The following TNNI3 variants were observed in gnomAD, a reference collection of about 807,000 sequenced individuals.
The protein encoded by TNNI3 is troponin I, cardiac muscle.
TNNI3 carries 23 observed loss-of-function variants against 31.5 expected under a neutral mutation model. The ratio of observed to expected loss-of-function variants is 0.73; its 90% CI spans 0.52 to 1.03. TNNI3 has a LOEUF of 1.03. Ranked by LOEUF, TNNI3 falls within the 50% of genes least tolerant of loss-of-function variation. The pLI is 0.00. For missense variants in TNNI3, 236 were observed against 282.9 expected (o/e 0.83, Z 1.19); for synonymous variants, 120 against 111.7 (o/e 1.07, Z -0.47).
At position 55,156,575 on chromosome 19, in the gene TNNI3, G is replaced by T; in HGVS notation, c.150+28C>A. ...AGCTCCGCCCCCTGAGCACCTGCCT[G>T]CTCTTTCCCAGTCCCGCCCGTCCTC... is the stretch of plus-strand genomic sequence containing the variant. On this transcript the variant is annotated intron_variant, in intron 4 of 7. Transcript: ENST00000344887. The surrounding 1 kb of genome is among the most constrained non-coding windows in gnomAD (Gnocchi z 4.6). The T allele has an allele frequency of 2.6e-6, 4 of 1,555,872 alleles. No homozygotes were observed. Among genetic ancestry groups the T allele is most frequent in the Non-Finnish European group, 3.5e-6 (4 of 1,149,040 alleles).
At chr19:55,154,362 T>C (rs962647206) in intron 6 of TNNI3, 156 bp from the exon 7 acceptor site, 40 of 788,196 alleles carry the variant, frequency 5.1e-5, no homozygotes, top group Middle Eastern at 3.5e-4. Flanking sequence ...AGGCTTCTAA[T>C]CCTGGAACTG....
rs374883486 is a variant in TNNI3, at chr19:55,157,166, C to T, written c.25-33G>A. ...AGGAGGAGTGGGGACCCCATCACCA[C>T]CAAGACCCCACCCAGCCCTTACCGT... On this transcript the variant is annotated intron_variant, in intron 2 of 7. Coordinates refer to ENST00000344887, the MANE Select transcript of TNNI3 (RefSeq NM_000363.5). This position sits in a 1 kb window ranked among gnomAD's most constrained non-coding sequence, Gnocchi z 6.3. 1 of 1,590,380 alleles carries T rather than the reference C, an allele frequency of 6.3e-7. No individual in the cohort carries two copies. The highest frequency in any genetic ancestry group is 2.3e-5 in the East Asian group (1 of 44,052).
chr19:55,156,308 G>C lies in TNNI3; in HGVS notation c.175C>G (p.Gln59Glu), dbSNP rs2085729446. 3 of 1,610,194 alleles carry C rather than the reference G, an allele frequency of 1.9e-6. No homozygotes were observed. Among genetic ancestry groups the C allele is most frequent in the Non-Finnish European group, 2.5e-6 (3 of 1,178,974 alleles). ...TCCTCCGCCTCTCGCTCCAGCTCTT[G>C]CTTTGCAATCTGCAGCAGCAGAGTC... ...LKTLLLQIAK[Q>E]ELEREAEERR... The change falls in exon 5 of 8, where the codon CAA (glutamine) becomes GAA (glutamate). Residue 59 changes from glutamine to glutamate, a missense_variant. Coordinates refer to ENST00000344887, the MANE Select transcript of TNNI3 (RefSeq NM_000363.5). This position sits in a 1 kb window ranked among gnomAD's most constrained non-coding sequence, Gnocchi z 4.6.
At position 55,156,391 on chromosome 19, in the gene TNNI3, G is replaced by C. The variant is rs755244940; in HGVS notation, c.151-59C>G. 5.7e-6 allele frequency: 9 copies of C among 1,572,166 alleles called. No homozygotes were observed. In the East Asian group the frequency reaches 2.0e-4, roughly 36 times the overall value. On this transcript the variant is annotated intron_variant, in intron 4 of 7. Transcript: ENST00000344887. This position sits in a 1 kb window ranked among gnomAD's most constrained non-coding sequence, Gnocchi z 4.6. ...CGGGGCTTCAGGATAAAGACCAGGCGTGGGGAACCGCCTCTGCCCTTCTAA... is the reference window on the plus strand; with the variant it reads ...CGGGGCTTCAGGATAAAGACCAGGCCTGGGGAACCGCCTCTGCCCTTCTAA...
At chr19:55,154,687 G>A (rs1789354585) in intron 6 of TNNI3, 54 bp downstream of exon 6, 7 of 1,521,688 alleles carry the variant, frequency 4.6e-6, no homozygotes, top group Non-Finnish European at 5.5e-6. Flanking sequence ...CAGAGACCAA[G>A]TCCCAGCCAT....
rs1170089051 is a variant in TNNI3 at position 55,157,468 on chromosome 19, A to G, written c.11+111T>C. 3 of 1,576,990 alleles carry G rather than the reference A, an allele frequency of 1.9e-6. No individual in the cohort carries two copies. The highest frequency in any genetic ancestry group is 3.4e-5 in the Admixed American group (2 of 58,950). ...GCAAACCCACTTCCTCTCTTCACCC[A>G]AGAGTCCCTACGCCTACCTCGCAGG... is the stretch of plus-strand genomic sequence containing the variant. On this transcript the variant is annotated intron_variant, in intron 1 of 7. Transcript: ENST00000344887. The surrounding 1 kb of genome is among the most constrained non-coding windows in gnomAD (Gnocchi z 6.3).
rs1162185492 is a variant in TNNI3, at chr19:55,156,720, C to T, written c.109-76G>A. The T allele has an allele frequency of 1.3e-6, 2 of 1,500,562 alleles. No individual in the cohort carries two copies. The highest frequency in any genetic ancestry group is 2.4e-5 in the South Asian group (2 of 83,080). The allele number at this position is 1,500,562 out of a possible 1,614,324, so 93.0% of individuals were successfully genotyped here. A position where few individuals can be genotyped will look rare whatever the true frequency, so the allele number is the denominator to read the frequency against. On this transcript the variant is annotated intron_variant, in intron 3 of 7. Coordinates refer to ENST00000344887, the MANE Select transcript of TNNI3 (RefSeq NM_000363.5). This position sits in a 1 kb window ranked among gnomAD's most constrained non-coding sequence, Gnocchi z 4.6. ...CGACGGTGGAGGGGACCTCAAGACA[C>T]CCCCAGCAAACCCAGCCGGTCCAGA... is the stretch of plus-strand genomic sequence containing the variant.
At chr19:55,155,496 T>TG in intron 5 of TNNI3, among the ~76,000 whole-genome samples, 1 of 62,802 alleles carries the variant, frequency 1.6e-5, no homozygotes. Context: ...GAGGAGGGGC[T>TG]GGGGACTGGA....
In TNNI3 at chr19:55,154,019, C is replaced by A; in HGVS notation, c.549+11G>T. 6.2e-7 allele frequency: 1 copy of A among 1,611,222 alleles called. No individual in the cohort carries two copies. Among genetic ancestry groups the A allele is most frequent in the South Asian group, 1.1e-5 (1 of 90,962 alleles). ...TCAGCATCCTCTTTCCTGGCCTTAGCCCACACTCACCTTCTCGGTGTCCTC... is the reference window on the plus strand; with the variant it reads ...TCAGCATCCTCTTTCCTGGCCTTAGACCACACTCACCTTCTCGGTGTCCTC... On this transcript the variant is annotated intron_variant, in intron 7 of 7. Transcript: ENST00000344887.
intron 7 of TNNI3, among the ~76,000 whole-genome samples, chr19:55,153,358 A>G (rs2085705259): frequency 6.6e-6 from 1 of 151,994 alleles, no homozygotes; most frequent in Non-Finnish European, 1.5e-5. Flanking sequence ...CCATGGTTTC[A>G]GGCATCCACT....
intron 7 of TNNI3, 21 bp from the exon 8 acceptor site, chr19:55,151,938 A>G: frequency 6.2e-7 from 1 of 1,612,206 alleles, no homozygotes; most frequent in Non-Finnish European, 8.5e-7. Flanking sequence ...GCGATGAGTC[A>G]GAGGTTAGGG....
chr19:55,154,651 G>A, intron 6 of TNNI3, 90 bp downstream of exon 6: 1 of 1,165,762 alleles, frequency 8.6e-7, no homozygotes. Flanking sequence ...GGGATGTGCA[G>A]CCAAAAGCAG....
chr19:55,152,098 T>C lies in TNNI3; in HGVS notation c.550-181A>G, dbSNP rs181570180. On this transcript the variant is annotated intron_variant, in intron 7 of 7. Transcript: ENST00000344887. This position sits in a 1 kb window ranked among gnomAD's most constrained non-coding sequence, Gnocchi z 4.0. ...CAATTTTCCCCATGCACTTCCTGTC[T>C]CCCTCATGCACTTCCTGTCCCCCTC... is the stretch of plus-strand genomic sequence containing the variant. 5.9e-5 allele frequency among the ~76,000 whole-genome samples: 9 copies of C among 152,162 alleles called. No individual in the cohort carries two copies. The highest frequency in any genetic ancestry group is 2.6e-4 in the Admixed American group (4 of 15,284).
Position 55,157,554 on chromosome 19 carries a change from C to A in TNNI3, c.11+25G>T. Reference sequence around the variant, plus strand: ...GGAACCCGGGAGGTCGCCCCCAACTCCCACTGCCTTGGGGCATCACTCACC... The same window carrying A: ...GGAACCCGGGAGGTCGCCCCCAACTACCACTGCCTTGGGGCATCACTCACC... On this transcript the variant is annotated intron_variant, in intron 1 of 7. Coordinates refer to ENST00000344887, the MANE Select transcript of TNNI3 (RefSeq NM_000363.5). This position sits in a 1 kb window ranked among gnomAD's most constrained non-coding sequence, Gnocchi z 6.3. 1 of 1,613,668 alleles carries A rather than the reference C, an allele frequency of 6.2e-7. No homozygotes were observed.
At position 55,156,780 on chromosome 19, in the gene TNNI3, CG is replaced by C; in HGVS notation, c.109-137del. ...ACGTCCAACTTGAGCCCTGAGTCTA[CG>C]GGAGGCCACGCCCCTCATTCCCATC... On this transcript the variant is annotated intron_variant, in intron 3 of 7. Transcript: ENST00000344887. The surrounding 1 kb of genome is among the most constrained non-coding windows in gnomAD (Gnocchi z 4.6). The C allele has an allele frequency of 3.0e-6, 3 of 993,576 alleles. No homozygotes were observed. Among genetic ancestry groups the C allele is most frequent in the Non-Finnish European group, 4.7e-6 (3 of 643,552 alleles). 61.5% of individuals were successfully genotyped at this position (993,576 alleles called of 1,614,324 possible).
chr19:55,157,305 G>T lies in TNNI3; in HGVS notation c.15C>A (p.Ser5Arg), dbSNP rs989588363. The T allele has an allele frequency of 5.6e-6, 9 of 1,612,968 alleles. No homozygotes were observed. The highest frequency in any genetic ancestry group is 1.7e-5 in the Admixed American group (1 of 59,890). The stretch of plus-strand genomic sequence containing the variant: ...AGCCCGCTGCTCTCACCGCATCGCT[G>T]CTCCTGGAAGGAGAGAAACCAAGGA... MADG[S>R]SDAAREPRPA... Residue 5 changes from serine to arginine, a missense_variant, in exon 2 of 8, where the codon AGC becomes AGA. This residue lies in a region of TNNI3 where 172 missense variants were observed against 171.8 expected (regional missense o/e 1.00). Transcript: ENST00000344887. The surrounding 1 kb of genome is among the most constrained non-coding windows in gnomAD (Gnocchi z 6.3).
chr19:55,156,471 TC>T lies in TNNI3; in HGVS notation c.150+131del. 6.7e-7 allele frequency: 1 copy of T among 1,499,028 alleles called. No homozygotes were observed. Among genetic ancestry groups the T allele is most frequent in the Non-Finnish European group, 9.0e-7 (1 of 1,107,090 alleles). 92.9% of individuals were successfully genotyped at this position (1,499,028 alleles called of 1,614,324 possible). A position where few individuals can be genotyped will look rare whatever the true frequency, so the allele number is the denominator to read the frequency against. ...GGCCCCGTCCCACCCCGAGCAGTAC[TC>T]CCCGCTAAAGCCACGCCCCGAGCGG... is the stretch of plus-strand genomic sequence containing the variant. On this transcript the variant is annotated intron_variant, in intron 4 of 7. Coordinates refer to ENST00000344887, the MANE Select transcript of TNNI3 (RefSeq NM_000363.5). The surrounding 1 kb of genome is among the most constrained non-coding windows in gnomAD (Gnocchi z 4.6).
rs1555864506 is a variant in TNNI3 at position 55,157,360 on chromosome 19, T to TG, written c.12-53_12-52insC. On this transcript the variant is annotated intron_variant, in intron 1 of 7. Coordinates refer to ENST00000344887, the MANE Select transcript of TNNI3 (RefSeq NM_000363.5). This position sits in a 1 kb window ranked among gnomAD's most constrained non-coding sequence, Gnocchi z 6.3. ...GGTTAGTGGTGGGCTGTGTCCTGTC[T>TG]CCTAAGGGACCCCTGGAGTCCCCTC... is the stretch of plus-strand genomic sequence containing the variant. 6.2e-7 allele frequency: 1 copy of TG among 1,611,354 alleles called. No homozygotes were observed. Among genetic ancestry groups the TG allele is most frequent in the Admixed American group, 1.7e-5 (1 of 59,530 alleles).
chr19:55,154,097 G>A lies in TNNI3; in HGVS notation c.482C>T (p.Ala161Val), dbSNP rs753413305. ...ADAMMQALLG[A>V]RAKESLDLRA... is the part of the protein sequence containing the mutation. The stretch of plus-strand genomic sequence containing the variant: ...CAGGTCCAGGGACTCCTTAGCCCGG[G>A]CCCCCAGCAGCGCCTGCATCATGGC... Residue 161 changes from alanine to valine, a missense_variant, in exon 7 of 8, where the codon GCC (alanine) becomes GTC (valine). Coordinates refer to ENST00000344887, the MANE Select transcript of TNNI3 (RefSeq NM_000363.5). 1.3e-5 allele frequency: 21 copies of A among 1,612,668 alleles called. No individual in the cohort carries two copies. Among genetic ancestry groups the A allele is most frequent in the Non-Finnish European group, 1.8e-5 (21 of 1,179,944 alleles).
Sources: gnomAD v4.1 joint callset for allele counts (sites outside exome capture counted in the v4.1 genomes callset) on GRCh38, gnomAD v4.1.1 for gene constraint, gnomAD v4.1.1 regional missense constraint, Gnocchi (gnomAD v3.1) non-coding constraint, MANE v1.5 for transcripts, NCBI Gene and HGNC (gene_info 2026-07-23, HGNC 2026-07-21) for gene names.